CACNA2D1: variants seen among roughly 807,000 people sequenced by gnomAD.
CACNA2D1 encodes calcium voltage-gated channel auxiliary subunit alpha2delta 1, also known as voltage-dependent calcium channel subunit alpha-2/delta-1.
In CACNA2D1, 53 loss-of-function variants were observed where a neutral mutation model predicts 171.5. The observed-to-expected ratio is 0.31, with a 90% confidence interval of 0.25 to 0.39. The LOEUF (loss-of-function observed/expected upper bound fraction) is 0.39. CACNA2D1 is among the 10% of genes least tolerant of loss of function. The probability of loss-of-function intolerance (pLI) is 1.00; values close to 1 mark genes in which losing one functional copy is unlikely to be tolerated. For synonymous variants in CACNA2D1, 442 were observed against 443.1 expected, an observed-to-expected ratio of 1.00 and a Z score of 0.03; for missense variants, 903 against 1,299.8, an observed-to-expected ratio of 0.69 and a Z score of 4.69.
intron 3 of CACNA2D1, 37 bp from the exon 4 acceptor site, chr7:82,170,646 A>C: frequency 6.4e-7 from 1 of 1,573,846 alleles, no homozygotes; most frequent in African/African-American, 1.3e-5. Flanking sequence ...ATTCAAATGA[A>C]CACGTAATAT....
At chr7:82,131,457 G>A (rs1790970456) in intron 5 of CACNA2D1, among the ~76,000 whole-genome samples, 1 of 152,080 alleles carries the variant, frequency 6.6e-6, no homozygotes, top group Admixed American at 6.5e-5. Flanking sequence ...GCTGGGTGGG[G>A]CTCTGTCCTA....
chr7:82,229,482 C>T (rs1802678252), intron 3 of CACNA2D1, among the ~76,000 whole-genome samples: 1 of 151,978 alleles, frequency 6.6e-6, no homozygotes, highest in Non-Finnish European at 1.5e-5. Context: ...ACTGCCAACT[C>T]CCAATTTTAT....
chr7:81,996,906 A>T (rs1244590695), intron 19 of CACNA2D1, among the ~76,000 whole-genome samples: 1 of 152,054 alleles, frequency 6.6e-6, no homozygotes, highest in East Asian at 1.9e-4. Flanking sequence ...TACAAGATAC[A>T]TTTGTATTAG....
In CACNA2D1 at chr7:82,118,684, T is replaced by A. The variant is rs573593201; in HGVS notation, c.397-1511A>T. Among the ~76,000 whole-genome samples, 5 of 152,220 alleles carry A rather than the reference T, an allele frequency of 3.3e-5. 2 individuals are homozygous for A. The highest frequency in any genetic ancestry group is 1.2e-4 in the African/African-American group (5 of 41,576). Reference sequence around the variant, plus strand: ...CTCTGAATCCTCTCACACTTAACAATTAGCAGTTTTAAATTCATCTTATGG... The same window carrying A: ...CTCTGAATCCTCTCACACTTAACAAATAGCAGTTTTAAATTCATCTTATGG... On this transcript the variant is annotated intron_variant, in intron 5 of 38. Transcript: ENST00000356860.
intron 1 of CACNA2D1, among the ~76,000 whole-genome samples, chr7:82,362,115 T>C (rs1358480617): frequency 1.3e-5 from 2 of 152,178 alleles, no homozygotes; most frequent in Non-Finnish European, 2.9e-5. Flanking sequence ...GGTCCCTGCT[T>C]AAGATGGCAC....
chr7:82,277,645 G>A (rs1464177556), intron 3 of CACNA2D1, among the ~76,000 whole-genome samples: 3 of 151,948 alleles, frequency 2.0e-5, no homozygotes, highest in Non-Finnish European at 2.9e-5. Context: ...AACCTCAACC[G>A]GTTGTGTGAG....
chr7:82,176,897 ATAGT>A (rs1796592872), intron 3 of CACNA2D1, among the ~76,000 whole-genome samples: 1 of 151,948 alleles, frequency 6.6e-6, no homozygotes, highest in Non-Finnish European at 1.5e-5. Context: ...TGCTTTCTCA[ATAGT>A]TAAACTATAC....
chr7:82,031,405 G>A (rs780535500), intron 12 of CACNA2D1, among the ~76,000 whole-genome samples: 5 of 151,852 alleles, frequency 3.3e-5, no homozygotes, highest in Non-Finnish European at 5.9e-5. Flanking sequence ...AGAAATATTC[G>A]TAGAATCTAG....
chr7:82,279,296 T>C (rs1037500583), intron 3 of CACNA2D1, among the ~76,000 whole-genome samples: 3 of 152,216 alleles, frequency 2.0e-5, no homozygotes, highest in African/African-American at 4.8e-5. Flanking sequence ...TTTCCATTAA[T>C]AACTGGAATT....
At chr7:82,224,233 G>A (rs1319446798) in intron 3 of CACNA2D1, among the ~76,000 whole-genome samples, 1 of 152,150 alleles carries the variant, frequency 6.6e-6, no homozygotes, top group Non-Finnish European at 1.5e-5. Flanking sequence ...TAGTTAGCAT[G>A]CAGGAGAACT....
intron 38 of CACNA2D1, 41 bp from the exon 39 acceptor site, chr7:81,950,549 TCTAAAAATCTTGAAAA>T (rs1209099714): frequency 3.8e-6 from 6 of 1,569,694 alleles, no homozygotes; most frequent in Non-Finnish European, 5.2e-6. Flanking sequence ...AAAAGAAAAA[TCTAAAAATCTTGAAAA>T]ATATTTAGTA....
chr7:82,208,713 A>G (rs1234836192), intron 3 of CACNA2D1, among the ~76,000 whole-genome samples: 1 of 152,142 alleles, frequency 6.6e-6, no homozygotes, highest in Admixed American at 6.6e-5. Flanking sequence ...TTATCCAAGA[A>G]AAGCCCCAGT....
intron 10 of CACNA2D1, 54 bp from the exon 11 acceptor site, chr7:82,038,289 G>A (rs1239436738): frequency 2.0e-6 from 3 of 1,487,836 alleles, no homozygotes; most frequent in African/African-American, 2.8e-5. Context: ...CAACCATATA[G>A]TTTTCATAGA....
chr7:82,012,102 A>G, intron 15 of CACNA2D1, 52 bp downstream of exon 15: 1 of 1,053,456 alleles, frequency 9.5e-7, no homozygotes, highest in South Asian at 1.3e-5. Flanking sequence ...AGTAGAAATC[A>G]TCTGTGTGCT....
intron 4 of CACNA2D1, among the ~76,000 whole-genome samples, chr7:82,156,473 TTC>T (rs1657350100): frequency 6.6e-6 from 1 of 152,166 alleles, no homozygotes; most frequent in Non-Finnish European, 1.5e-5. Context: ...ACTCAAATAG[TTC>T]TCTCTGTGTA....
chr7:82,336,623 G>C (rs1333781472), intron 2 of CACNA2D1, among the ~76,000 whole-genome samples: 1 of 152,096 alleles, frequency 6.6e-6, no homozygotes, highest in Non-Finnish European at 1.5e-5. Flanking sequence ...TATGCTTTCT[G>C]CTAAGAAGCA....
At chr7:82,042,166 C>T (rs961343495) in intron 10 of CACNA2D1, among the ~76,000 whole-genome samples, 5 of 152,096 alleles carry the variant, frequency 3.3e-5, no homozygotes, top group African/African-American at 9.7e-5. Context: ...GCAAATCTTA[C>T]TCTCCTAGGA....
chr7:82,165,548 AT>A (rs1159308305), intron 4 of CACNA2D1, among the ~76,000 whole-genome samples: 1 of 152,022 alleles, frequency 6.6e-6, no homozygotes, highest in Non-Finnish European at 1.5e-5. Flanking sequence ...CATGGTTAAT[AT>A]TTTTTATGCT....
At chr7:82,416,283 T>C (rs1828159415) in intron 1 of CACNA2D1, among the ~76,000 whole-genome samples, 1 of 152,052 alleles carries the variant, frequency 6.6e-6, no homozygotes, top group Non-Finnish European at 1.5e-5. Context: ...ATTGTAATAA[T>C]TGTGGTATAT....
Sources: allele counts gnomAD v4.1 joint callset (sites outside exome capture counted in the v4.1 genomes callset), GRCh38; gene constraint gnomAD v4.1.1; transcripts MANE v1.5; gene names NCBI Gene and HGNC (gene_info 2026-07-23, HGNC 2026-07-21).